Variants in RP1 observed in about 807,000 individuals in gnomAD.
The protein encoded by RP1 is RP1 axonemal microtubule associated, also known as oxygen-regulated protein 1.
RP1 carries 16 observed loss-of-function variants against 14.8 expected under a neutral mutation model. That is an observed-to-expected ratio of 1.08 (90% confidence interval 0.73 to 1.65). RP1 has a LOEUF of 1.65. Among genes scored for constraint, RP1 ranks in the 40% most tolerant of loss-of-function variants. The pLI, the probability that RP1 is intolerant of heterozygous loss-of-function variation, is 0.00. For missense variants in RP1, 2,631 were observed against 2,535.0 expected (o/e 1.04, Z -0.81); for synonymous variants, 876 against 883.6 (o/e 0.99, Z 0.15).
At chr8:54,640,280 G>A (rs1806429625) in intron 3 of RP1, among the ~76,000 whole-genome samples, 1 of 152,134 alleles carries the variant, frequency 6.6e-6, no homozygotes, top group South Asian at 2.1e-4. Flanking sequence ...AACCACATGT[G>A]TAGGGGTGCA....
chr8:54,610,319 C>T (rs1805561708), intron 1 of RP1, among the ~76,000 whole-genome samples: 1 of 152,150 alleles, frequency 6.6e-6, no homozygotes, highest in Admixed American at 6.5e-5. Context: ...TGGTTCCTCA[C>T]CGTCTCTGTG....
chr8:54,726,585 A>G (rs1310853715), intron 17 of RP1: 6 of 1,202,732 alleles, frequency 5.0e-6, no homozygotes, highest in Non-Finnish European at 6.7e-6. Context: ...ATATTATGTT[A>G]TACCACATGG....
At chr8:54,785,616 C>T (rs1810298817) in intron 24 of RP1, among the ~76,000 whole-genome samples, 1 of 152,132 alleles carries the variant, frequency 6.6e-6, no homozygotes, top group African/African-American at 2.4e-5. Flanking sequence ...AAACTGTTTT[C>T]CAAAGTAGCT....
At chr8:54,740,240 T>C (rs1809041768) in intron 19 of RP1, among the ~76,000 whole-genome samples, 1 of 150,886 alleles carries the variant, frequency 6.6e-6, no homozygotes, top group South Asian at 2.1e-4. Context: ...AAAGCATTGT[T>C]ATCATAGGAG....
chr8:54,803,699 G>T (rs1031768706), intron 24 of RP1, among the ~76,000 whole-genome samples: 1 of 152,136 alleles, frequency 6.6e-6, no homozygotes, highest in African/African-American at 2.4e-5. Context: ...TTTAAGAAAA[G>T]AAGTGTTATG....
intron 24 of RP1, among the ~76,000 whole-genome samples, chr8:54,830,660 A>C (rs190264518): frequency 6.6e-6 from 1 of 152,290 alleles, no homozygotes; most frequent in East Asian, 1.9e-4. Context: ...CTGCCATTTA[A>C]ATAAAAAGTT....
intron 16 of RP1, among the ~76,000 whole-genome samples, chr8:54,721,639 C>T (rs945578805): frequency 6.6e-6 from 1 of 152,162 alleles, no homozygotes; most frequent in Non-Finnish European, 1.5e-5. Flanking sequence ...AGAAACAAAG[C>T]CATTCTTCTT....
intron 19 of RP1, among the ~76,000 whole-genome samples, chr8:54,745,811 A>G (rs958591754): frequency 6.6e-6 from 1 of 152,092 alleles, no homozygotes; most frequent in Non-Finnish European, 1.5e-5. Flanking sequence ...TTGGCTTTGA[A>G]GCTTAATATC....
intron 28 of RP1, among the ~76,000 whole-genome samples, chr8:54,866,630 T>C (rs1812465553): frequency 6.6e-6 from 1 of 152,208 alleles, no homozygotes; most frequent in Non-Finnish European, 1.5e-5. Context: ...ACAGAATATG[T>C]TGATCCATTT....
At chr8:54,828,487 G>A (rs995098495) in intron 24 of RP1, among the ~76,000 whole-genome samples, 2 of 152,010 alleles carry the variant, frequency 1.3e-5, no homozygotes, top group African/African-American at 2.4e-5. Context: ...ATGTGATCTC[G>A]GCAGGGCTCC....
chr8:54,824,425 G>A (rs1485171790), intron 24 of RP1, among the ~76,000 whole-genome samples: 1 of 152,102 alleles, frequency 6.6e-6, no homozygotes, highest in Non-Finnish European at 1.5e-5. Context: ...TTTTAATTTA[G>A]AAACTCCCAG....
intron 22 of RP1, among the ~76,000 whole-genome samples, chr8:54,760,509 A>C (rs1394704856): frequency 2.0e-5 from 3 of 152,188 alleles, no homozygotes; most frequent in Non-Finnish European, 4.4e-5. Flanking sequence ...ATGGGGGAAA[A>C]TAATGTTCTA....
intron 17 of RP1, chr8:54,726,576 T>C: frequency 4.6e-6 from 6 of 1,290,624 alleles, no homozygotes; most frequent in South Asian, 1.7e-5. Context: ...TTACAGCATA[T>C]ATTATGTTAT....
Position 54,562,420 on chromosome 8 carries a change from G to A in RP1, c.-13+3100G>A, listed in dbSNP as rs111413994. Among the ~76,000 whole-genome samples, 1,015 of 152,310 alleles carry A rather than the reference G, an allele frequency of 6.7e-3. 17 individuals are homozygous for A. The highest frequency in any genetic ancestry group is 0.023 in the African/African-American group (965 of 41,568). ...TATTTTAAGTAGGCTGGGTGTGGTG[G>A]CTCACGCCTGTAATCCCAGCACTTT... is the stretch of plus-strand genomic sequence containing the variant. On this transcript the variant is annotated intron_variant, in intron 1 of 22. Transcript: ENST00000636932.
intron 24 of RP1, among the ~76,000 whole-genome samples, chr8:54,801,485 C>T (rs1810705708): frequency 6.6e-6 from 1 of 152,070 alleles, no homozygotes; most frequent in Admixed American, 6.6e-5. Flanking sequence ...TTTATCAGTG[C>T]CCTCAGGTAA....
chr8:54,720,362 C>A, intron 16 of RP1: 4 of 1,405,304 alleles, frequency 2.8e-6, no homozygotes, highest in East Asian at 2.5e-5. Context: ...GGTTTGTGTA[C>A]AGTGTCTGAA....
chr8:54,576,699 A>G (rs1035933377), intron 1 of RP1, among the ~76,000 whole-genome samples: 2 of 152,192 alleles, frequency 1.3e-5, no homozygotes, highest in Non-Finnish European at 2.9e-5. Context: ...AAATATTAGA[A>G]GTCTGGAAGT....
chr8:54,579,851 T>C (rs1204225830), intron 1 of RP1, among the ~76,000 whole-genome samples: 6 of 152,322 alleles, frequency 3.9e-5, no homozygotes, highest in Non-Finnish European at 7.4e-5. Flanking sequence ...AGAATCAGCC[T>C]GCACACGGGT....
At chr8:54,694,734 C>A (rs1326815836) in intron 12 of RP1, among the ~76,000 whole-genome samples, 1 of 151,220 alleles carries the variant, frequency 6.6e-6, no homozygotes, top group Non-Finnish European at 1.5e-5. Context: ...GTCTTGCTAG[C>A]GGTCTATCAA....
Sources: gnomAD v4.1 joint callset for allele counts (sites outside exome capture counted in the v4.1 genomes callset) on GRCh38, gnomAD v4.1.1 for gene constraint, MANE v1.5 for transcripts, NCBI Gene and HGNC (gene_info 2026-07-23, HGNC 2026-07-21) for gene names.